Variants in SND1 observed in about 807,000 individuals in gnomAD.
SND1 encodes the protein staphylococcal nuclease domain-containing protein 1.
Under a neutral mutation model 121.7 loss-of-function variants are expected in SND1, and 38 were observed. The ratio of observed to expected loss-of-function variants is 0.31; its 90% CI spans 0.24 to 0.41. The LOEUF (loss-of-function observed/expected upper bound fraction) is 0.41. Among genes scored for constraint, SND1 ranks in the 10% least tolerant of loss-of-function variants. The probability of loss-of-function intolerance (pLI) is 1.00; values close to 1 mark genes in which losing one functional copy is unlikely to be tolerated. For synonymous variants in SND1, 401 were observed against 447.4 expected (o/e 0.90, Z 1.31); for missense variants, 868 against 1,184.6 (o/e 0.73, Z 3.92).
chr7:127,656,012 C>A (rs1795204317), intron 1 of SND1, among the ~76,000 whole-genome samples: 1 of 152,194 alleles, frequency 6.6e-6, no homozygotes, highest in South Asian at 2.1e-4. Context: ...TCACCTTACC[C>A]TCCCCTCACC....
intron 1 of SND1, among the ~76,000 whole-genome samples, chr7:127,671,412 T>G (rs992831053): frequency 5.3e-5 from 8 of 152,252 alleles, no homozygotes; most frequent in Non-Finnish European, 1.2e-4. Flanking sequence ...TATTGAGTAC[T>G]GATGGTTAGG....
At chr7:127,749,417 C>T (rs1273015401) in intron 10 of SND1, among the ~76,000 whole-genome samples, 1 of 152,130 alleles carries the variant, frequency 6.6e-6, no homozygotes. Flanking sequence ...CTTCTGTGGG[C>T]TGTCATTGAA....
At chr7:127,987,477 CA>C (rs1802420844) in intron 15 of SND1, among the ~76,000 whole-genome samples, 1 of 152,202 alleles carries the variant, frequency 6.6e-6, no homozygotes, top group African/African-American at 2.4e-5. Context: ...GCAGCAACGA[CA>C]ACTGACTTTT....
chr7:127,702,599 G>A, intron 6 of SND1, 73 bp downstream of exon 6: 1 of 1,225,162 alleles, frequency 8.2e-7, no homozygotes, highest in Non-Finnish European at 1.2e-6. Flanking sequence ...TTCTACTTGG[G>A]GACTTCGGAT....
At chr7:127,832,402 G>A (rs187674917) in intron 11 of SND1, among the ~76,000 whole-genome samples, 227 of 152,306 alleles carry the variant, frequency 1.5e-3, no homozygotes, top group Non-Finnish European at 2.6e-3. Context: ...AGAGAAGCAT[G>A]TGGAAATTGG....
At chr7:127,696,328 A>G (rs931529978) in intron 3 of SND1, among the ~76,000 whole-genome samples, 1 of 152,192 alleles carries the variant, frequency 6.6e-6, no homozygotes, top group East Asian at 1.9e-4. Context: ...ACCTCTTTTT[A>G]GTCTCCCAGA....
chr7:127,667,800 C>G (rs79586348), intron 1 of SND1, among the ~76,000 whole-genome samples: 4,359 of 152,264 alleles, frequency 0.029, 223 homozygotes, highest in African/African-American at 0.1. Flanking sequence ...TTGACAGGCA[C>G]AAGAACACAT....
intron 13 of SND1, among the ~76,000 whole-genome samples, chr7:127,889,373 A>G (rs1239933998): frequency 6.6e-6 from 1 of 150,646 alleles, no homozygotes; most frequent in Non-Finnish European, 1.5e-5. Flanking sequence ...AATTTTTTTA[A>G]TTTTACTTTT....
intron 18 of SND1, among the ~76,000 whole-genome samples, chr7:128,084,333 T>C (rs983949345): frequency 6.6e-6 from 1 of 152,216 alleles, no homozygotes; most frequent in Non-Finnish European, 1.5e-5. Context: ...GGGTACGGGC[T>C]GGCCAGCTCT....
At chr7:127,798,846 A>G (rs1204139414) in intron 10 of SND1, among the ~76,000 whole-genome samples, 2 of 152,118 alleles carry the variant, frequency 1.3e-5, no homozygotes, top group African/African-American at 2.4e-5. Flanking sequence ...GGAATTTGAT[A>G]TCAGCCCTGG....
At chr7:127,822,309 A>G (rs1798562395) in intron 11 of SND1, among the ~76,000 whole-genome samples, 1 of 152,198 alleles carries the variant, frequency 6.6e-6, no homozygotes. Context: ...GTGTCTTTGC[A>G]TTTGTGTTTC....
At chr7:127,796,398 G>T (rs1159465993) in intron 10 of SND1, among the ~76,000 whole-genome samples, 2 of 152,120 alleles carry the variant, frequency 1.3e-5, no homozygotes, top group Middle Eastern at 3.4e-3. Context: ...TTTTAGATAG[G>T]TCTTTCTATA....
At chr7:127,909,419 CT>C (rs1429850440) in intron 14 of SND1, among the ~76,000 whole-genome samples, 1 of 151,144 alleles carries the variant, frequency 6.6e-6, no homozygotes, top group Non-Finnish European at 1.5e-5. Flanking sequence ...TTCTCCGTGA[CT>C]GATTTTGTTA....
At chr7:127,684,599 T>C (rs1454457441) in intron 1 of SND1, among the ~76,000 whole-genome samples, 1 of 150,402 alleles carries the variant, frequency 6.6e-6, no homozygotes, top group Non-Finnish European at 1.5e-5. Flanking sequence ...CCTGGCTTTG[T>C]TTGGTTTGAG....
chr7:127,722,184 T>A (rs1006913468), intron 10 of SND1, among the ~76,000 whole-genome samples: 2 of 152,216 alleles, frequency 1.3e-5, no homozygotes, highest in Non-Finnish European at 2.9e-5. Context: ...TGTGTGATTA[T>A]GTTAACTAGT....
intron 11 of SND1, among the ~76,000 whole-genome samples, chr7:127,811,290 ATTG>A (rs1352140972): frequency 1.3e-5 from 2 of 152,118 alleles, no homozygotes; most frequent in Admixed American, 1.3e-4. Flanking sequence ...ATTGCCTTAG[ATTG>A]TTGTTCTCTT....
At chr7:128,009,259 A>C (rs1412174677) in intron 16 of SND1, among the ~76,000 whole-genome samples, 1 of 152,198 alleles carries the variant, frequency 6.6e-6, no homozygotes, top group Non-Finnish European at 1.5e-5. Context: ...TGGGGAAAGA[A>C]GGGTTAGGGC....
At chr7:127,858,229 A>C in intron 12 of SND1, 1 of 777,574 alleles carries the variant, frequency 1.3e-6, no homozygotes, top group African/African-American at 1.7e-5. Flanking sequence ...GGTACATGCC[A>C]AGGTTTCCCT....
At chr7:127,807,960 T>C (rs1798265706) in intron 11 of SND1, among the ~76,000 whole-genome samples, 1 of 152,054 alleles carries the variant, frequency 6.6e-6, no homozygotes, top group Admixed American at 6.6e-5. Flanking sequence ...TTCCCCTACT[T>C]CTGAGGGATA....
Sources: gnomAD v4.1 joint callset for allele counts (sites outside exome capture counted in the v4.1 genomes callset) on GRCh38, gnomAD v4.1.1 for gene constraint, MANE v1.5 for transcripts, NCBI Gene and HGNC (gene_info 2026-07-23, HGNC 2026-07-21) for gene names.